Variants in BCL2L13 observed in about 807,000 individuals in gnomAD.
BCL2L13 encodes the protein bcl-2-like protein 13.
A neutral mutation model predicts 25.8 loss-of-function variants in BCL2L13; 13 were observed. The observed-to-expected ratio is 0.50, with a 90% CI of 0.33 to 0.80. The LOEUF is 0.80. BCL2L13 is among the 30% of genes least tolerant of loss of function. The pLI is 0.02. For missense variants in BCL2L13, 504 were observed against 574.9 expected (o/e 0.88, Z 1.26); for synonymous variants, 244 against 230.3 (o/e 1.06, Z -0.54).
intron 6 of BCL2L13, among the ~76,000 whole-genome samples, chr22:17,719,846 A>AAAAAAAAAAAC (rs1555897108): frequency 7.7e-6 from 1 of 129,112 alleles, no homozygotes; most frequent in Non-Finnish European, 1.7e-5. Flanking sequence ...AAAAAAAAAA[A>AAAAAAAAAAAC]AAAAGAATGA....
intron 1 of BCL2L13, among the ~76,000 whole-genome samples, chr22:17,645,730 G>C (rs866360201): frequency 6.6e-6 from 1 of 151,398 alleles, no homozygotes; most frequent in South Asian, 2.1e-4. Context: ...TTTTATTTGT[G>C]GCTGGTTTTG....
chr22:17,681,703 T>C (rs1157273097), intron 2 of BCL2L13, among the ~76,000 whole-genome samples: 2 of 152,072 alleles, frequency 1.3e-5, no homozygotes, highest in Admixed American at 6.6e-5. Flanking sequence ...ATCACTGTCA[T>C]AGAGGCAGGC....
chr22:17,695,010 C>T (rs188834179), intron 4 of BCL2L13, among the ~76,000 whole-genome samples: 1 of 149,484 alleles, frequency 6.7e-6, no homozygotes, highest in Non-Finnish European at 1.5e-5. Context: ...GTTCCTTTGG[C>T]GTCATGCAAA....
chr22:17,722,378 G>GCGT (rs1491171137), intron 6 of BCL2L13, among the ~76,000 whole-genome samples: 5,143 of 122,046 alleles, frequency 0.042, 166 homozygotes, highest in East Asian at 0.076. Flanking sequence ...AGACTACAGG[G>GCGT]GTGTGTGTGT....
At position 17,688,946 on chromosome 22, in the gene BCL2L13, T is replaced by C. The variant is rs370122890; in HGVS notation, c.230-40T>C. 1.1e-5 allele frequency: 18 copies of C among 1,583,292 alleles called. No individual in the cohort carries two copies. In the African/African-American group the frequency reaches 1.9e-4, roughly 17 times the overall value. On this transcript the variant is annotated intron_variant, in intron 3 of 6. Coordinates refer to ENST00000317582, the MANE Select transcript of BCL2L13 (RefSeq NM_015367.4). ...CCACACCCAGCTAATTTTATAGATATTGTTTATTATATTAGGTTTTTCTTT... is the reference window on the plus strand; with the variant it reads ...CCACACCCAGCTAATTTTATAGATACTGTTTATTATATTAGGTTTTTCTTT...
At chr22:17,715,170 ATTTTTTTTTTTTTTTT>A (rs149600387) in intron 6 of BCL2L13, among the ~76,000 whole-genome samples, 1 of 11,048 alleles carries the variant, frequency 9.1e-5, no homozygotes. Flanking sequence ...ATATATATAT[ATTTTTTTTTTTTTTTT>A]TTTTTTTTTT....
intron 2 of BCL2L13, among the ~76,000 whole-genome samples, chr22:17,665,490 T>G (rs1009344374): frequency 4.6e-5 from 7 of 152,304 alleles, no homozygotes; most frequent in Middle Eastern, 6.8e-3. Flanking sequence ...CGGGTATGTT[T>G]AAGCAGTGCC....
intron 6 of BCL2L13, chr22:17,706,609 T>C (rs1331205094): frequency 1.4e-5 from 16 of 1,120,694 alleles, no homozygotes; most frequent in South Asian, 6.2e-5. Context: ...GTGGTTTTTT[T>C]CCCTCTCCTT....
At chr22:17,723,369 CT>C (rs1312641752) in intron 6 of BCL2L13, among the ~76,000 whole-genome samples, 2 of 152,192 alleles carry the variant, frequency 1.3e-5, no homozygotes, top group Non-Finnish European at 2.9e-5. Context: ...ACAGATTTTA[CT>C]TTACAGTTTT....
chr22:17,681,379 G>A (rs1486907530), intron 2 of BCL2L13, among the ~76,000 whole-genome samples: 2 of 151,890 alleles, frequency 1.3e-5, no homozygotes, highest in African/African-American at 2.4e-5. Flanking sequence ...GGTGGCGGGC[G>A]CCTGTAGTCC....
chr22:17,683,698 C>T (rs1261936113), intron 3 of BCL2L13, among the ~76,000 whole-genome samples: 1 of 151,788 alleles, frequency 6.6e-6, no homozygotes, highest in East Asian at 1.9e-4. Flanking sequence ...TACATATATA[C>T]TATAGATAAC....
intron 2 of BCL2L13, among the ~76,000 whole-genome samples, chr22:17,661,700 C>T (rs2059070574): frequency 6.9e-6 from 1 of 145,832 alleles, no homozygotes; most frequent in African/African-American, 2.4e-5. Context: ...ATTAGAATTG[C>T]ATAATTATGT....
At chr22:17,668,775 T>A (rs1418193107) in intron 2 of BCL2L13, among the ~76,000 whole-genome samples, 1 of 152,052 alleles carries the variant, frequency 6.6e-6, no homozygotes, top group Non-Finnish European at 1.5e-5. Flanking sequence ...TGATCTGTTT[T>A]GAGTTAATTT....
At chr22:17,682,815 AT>A (rs2059795624) in intron 2 of BCL2L13, among the ~76,000 whole-genome samples, 1 of 152,116 alleles carries the variant, frequency 6.6e-6, no homozygotes, top group South Asian at 2.1e-4. Context: ...ATGAATTTTG[AT>A]TTTGCATTTT....
At chr22:17,646,558 A>G (rs548591170) in intron 1 of BCL2L13, among the ~76,000 whole-genome samples, 29 of 150,098 alleles carry the variant, frequency 1.9e-4, no homozygotes, top group Admixed American at 1.1e-3. Context: ...CAAGATAGCA[A>G]TTTTTATAGT....
At chr22:17,650,873 A>T (rs185353473) in intron 1 of BCL2L13, among the ~76,000 whole-genome samples, 1 of 151,676 alleles carries the variant, frequency 6.6e-6, no homozygotes, top group Non-Finnish European at 1.5e-5. Flanking sequence ...ATGCCCAGTT[A>T]ATTTTATTTT....
At chr22:17,654,917 T>G (rs1309345981) in intron 1 of BCL2L13, among the ~76,000 whole-genome samples, 1 of 151,944 alleles carries the variant, frequency 6.6e-6, no homozygotes, top group Non-Finnish European at 1.5e-5. Context: ...AGAGATGGAG[T>G]CTTGCTATAT....
intron 1 of BCL2L13, among the ~76,000 whole-genome samples, chr22:17,645,214 C>G (rs1387121466): frequency 7.0e-6 from 1 of 142,970 alleles, no homozygotes; most frequent in African/African-American, 2.7e-5. Flanking sequence ...TACATAAGAA[C>G]TAATAGTAGG....
At chr22:17,677,907 A>T (rs1188575176) in intron 2 of BCL2L13, among the ~76,000 whole-genome samples, 1 of 151,822 alleles carries the variant, frequency 6.6e-6, no homozygotes, top group Non-Finnish European at 1.5e-5. Context: ...TTAGCTGGGC[A>T]TGGTGGTGTG....
Sources: allele counts gnomAD v4.1 joint callset (sites outside exome capture counted in the v4.1 genomes callset), GRCh38; gene constraint gnomAD v4.1.1; transcripts MANE v1.5; gene names NCBI Gene and HGNC (gene_info 2026-07-23, HGNC 2026-07-21).